BAZ2B: variants seen among roughly 807,000 people sequenced by gnomAD.
BAZ2B encodes bromodomain adjacent to zinc finger domain protein 2B.
BAZ2B carries 91 observed loss-of-function variants against 246.0 expected under a neutral mutation model. The ratio of observed to expected loss-of-function variants is 0.37; its 90% CI spans 0.31 to 0.44. BAZ2B has a LOEUF of 0.44. Among genes scored for constraint, BAZ2B ranks in the 20% least tolerant of loss-of-function variants. The pLI is 1.00. For synonymous variants in BAZ2B, 855 were observed against 860.0 expected (o/e 0.99, Z 0.10); for missense variants, 2,332 against 2,533.7 (o/e 0.92, Z 1.71).
At chr2:159,545,962 C>T (rs1376565899) in intron 2 of BAZ2B, among the ~76,000 whole-genome samples, 1 of 152,120 alleles carries the variant, frequency 6.6e-6, no homozygotes, top group Non-Finnish European at 1.5e-5. Flanking sequence ...ATTTCAAATA[C>T]AATACCAAAA....
the BAZ2B span, among the ~76,000 whole-genome samples, chr2:159,656,468 G>A: frequency 6.6e-6 from 1 of 151,966 alleles, no homozygotes; most frequent in Non-Finnish European, 1.5e-5. Flanking sequence ...TAAAAATTTT[G>A]TGTTACACCC....
At chr2:159,367,805 G>A (rs1224626036) in intron 27 of BAZ2B, among the ~76,000 whole-genome samples, 2 of 151,964 alleles carry the variant, frequency 1.3e-5, no homozygotes, top group African/African-American at 2.4e-5. Flanking sequence ...GGAGAATGGC[G>A]TGAAAGTGGG....
chr2:159,626,869 G>T, the BAZ2B span, among the ~76,000 whole-genome samples: 1 of 152,134 alleles, frequency 6.6e-6, no homozygotes, highest in Non-Finnish European at 1.5e-5. Context: ...AAAAATCAAT[G>T]AATCCAGGAC....
At chr2:159,467,745 T>C (rs1024221250) in intron 3 of BAZ2B, among the ~76,000 whole-genome samples, 1 of 143,170 alleles carries the variant, frequency 7.0e-6, no homozygotes, top group Non-Finnish European at 1.6e-5. Context: ...ATTACTAAAA[T>C]TGGGCTTTAA....
chr2:159,653,312 A>C, the BAZ2B span, among the ~76,000 whole-genome samples: 2 of 152,218 alleles, frequency 1.3e-5, no homozygotes, highest in African/African-American at 4.8e-5. Context: ...TACCTAACAA[A>C]TATTCAATAA....
intron 2 of BAZ2B, among the ~76,000 whole-genome samples, chr2:159,550,846 A>T (rs537287826): frequency 4.7e-4 from 72 of 151,810 alleles, no homozygotes; most frequent in African/African-American, 1.0e-3. Flanking sequence ...AGAAAAAAAA[A>T]TTTTTTTGAG....
the BAZ2B span, among the ~76,000 whole-genome samples, chr2:159,674,536 G>C: frequency 3.0e-4 from 46 of 152,038 alleles, no homozygotes; most frequent in African/African-American, 1.1e-3. Context: ...CCAACATGGT[G>C]AAACTGCATC....
In BAZ2B at chr2:159,478,714, C is replaced by G; in HGVS notation, c.6G>C (p.Glu2Asp). 1 of 1,554,502 alleles carries G rather than the reference C, an allele frequency of 6.4e-7. No homozygotes were observed. Among genetic ancestry groups the G allele is most frequent in the African/African-American group, 1.4e-5 (1 of 72,430 alleles). ...CTGAGGATGGTAACCGTTCTCCAGA[C>G]TCCATATCTATGAGAAGGGAAAATG... M[E>D]SGERLPSSAA... Residue 2 changes from glutamate (E) to aspartate (D), a missense_variant, in exon 3 of 37, where the codon GAG becomes GAC. This residue lies in a region of BAZ2B where 242 missense variants were observed against 237.4 expected (regional missense o/e 1.02). Transcript: ENST00000392783.
intron 9 of BAZ2B, 63 bp downstream of exon 9, chr2:159,432,694 C>G: frequency 6.5e-7 from 1 of 1,541,390 alleles, no homozygotes; most frequent in African/African-American, 1.4e-5. Context: ...TTAAGAAACC[C>G]TTTAAAATGT....
chr2:159,349,671 A>G, intron 28 of BAZ2B, 37 bp downstream of exon 28: 1 of 1,543,514 alleles, frequency 6.5e-7, no homozygotes, highest in Non-Finnish European at 8.8e-7. Context: ...GATTACATAA[A>G]GCAATATAAA....
chr2:159,376,008 A>G (rs1477472096), intron 25 of BAZ2B, among the ~76,000 whole-genome samples: 2 of 152,228 alleles, frequency 1.3e-5, no homozygotes, highest in Non-Finnish European at 2.9e-5. Context: ...TAATTGTGTG[A>G]AATTTGTCAT....
intron 1 of BAZ2B, among the ~76,000 whole-genome samples, chr2:159,606,162 G>T (rs1693446451): frequency 6.6e-6 from 1 of 152,114 alleles, no homozygotes; most frequent in African/African-American, 2.4e-5. Flanking sequence ...GTTCCAAAAG[G>T]ACTTGATTAC....
At chr2:159,586,861 T>C (rs184536303) in intron 1 of BAZ2B, among the ~76,000 whole-genome samples, 1 of 152,278 alleles carries the variant, frequency 6.6e-6, no homozygotes, top group Admixed American at 6.5e-5. Context: ...ATTTAGATTT[T>C]CCACTTACAG....
chr2:159,430,021 A>C (rs2070780486), intron 10 of BAZ2B, among the ~76,000 whole-genome samples: 1 of 152,168 alleles, frequency 6.6e-6, no homozygotes, highest in Admixed American at 6.6e-5. Flanking sequence ...TAAAAAGTCA[A>C]ATGGGAAAAA....
intron 2 of BAZ2B, among the ~76,000 whole-genome samples, chr2:159,551,466 CAAAA>C (rs57418948): frequency 0.33 from 22,690 of 69,248 alleles, 845 homozygotes; most frequent in Non-Finnish European, 0.37. Context: ...GACTCAGACT[CAAAA>C]AAAAAAAAAA....
intron 2 of BAZ2B, among the ~76,000 whole-genome samples, chr2:159,553,695 C>T (rs2088674483): frequency 6.6e-6 from 1 of 151,886 alleles, no homozygotes. Flanking sequence ...CAGCAATTCT[C>T]CTGACTTCTG....
intron 1 of BAZ2B, among the ~76,000 whole-genome samples, chr2:159,572,998 A>C (rs983687775): frequency 4.0e-4 from 61 of 152,230 alleles, no homozygotes; most frequent in African/African-American, 1.4e-3. Context: ...GGAAAATAAA[A>C]AGAAATATTA....
At chr2:159,356,093 G>GT (rs987638835) in intron 27 of BAZ2B, among the ~76,000 whole-genome samples, 24 of 152,040 alleles carry the variant, frequency 1.6e-4, no homozygotes, top group African/African-American at 4.8e-4. Context: ...AGCTGCAAGA[G>GT]TTTTTTTTCA....
At chr2:159,550,183 A>G (rs1194754140) in intron 2 of BAZ2B, among the ~76,000 whole-genome samples, 2 of 152,206 alleles carry the variant, frequency 1.3e-5, no homozygotes, top group Non-Finnish European at 2.9e-5. Context: ...AGCTTGGTGT[A>G]TCAGGATTAG....
Sources: allele counts gnomAD v4.1 joint callset (sites outside exome capture counted in the v4.1 genomes callset), GRCh38; gene constraint gnomAD v4.1.1; regional missense constraint gnomAD v4.1.1; transcripts MANE v1.5; gene names NCBI Gene and HGNC (gene_info 2026-07-23, HGNC 2026-07-21).